The following CACNA2D1 variants were observed in gnomAD, a reference collection of about 807,000 sequenced individuals.
The protein encoded by CACNA2D1 is voltage-dependent calcium channel subunit alpha-2/delta-1.
A neutral mutation model predicts 171.5 loss-of-function variants in CACNA2D1; 53 were observed. The ratio of observed to expected loss-of-function variants is 0.31; its 90% confidence interval spans 0.25 to 0.39. The LOEUF is 0.39. Among genes scored for constraint, CACNA2D1 ranks in the 10% least tolerant of loss-of-function variants. The pLI is 1.00. For synonymous variants in CACNA2D1, 442 were observed against 443.1 expected, an observed-to-expected ratio of 1.00 and a Z score of 0.03; for missense variants, 903 against 1,299.8, an observed-to-expected ratio of 0.69 and a Z score of 4.69.
At chr7:82,334,706 C>T (rs2129444270) in intron 3 of CACNA2D1, among the ~76,000 whole-genome samples, 1 of 152,138 alleles carries the variant, frequency 6.6e-6, no homozygotes, top group African/African-American at 2.4e-5. Flanking sequence ...ACTTGAATAT[C>T]TAGCATTTTG....
At chr7:82,413,987 T>C (rs1827932853) in intron 1 of CACNA2D1, among the ~76,000 whole-genome samples, 1 of 152,284 alleles carries the variant, frequency 6.6e-6, no homozygotes, top group Non-Finnish European at 1.5e-5. Context: ...ACAGTCAAAA[T>C]TTTATTTAGT....
chr7:82,197,545 T>G (rs1052559348), intron 3 of CACNA2D1, among the ~76,000 whole-genome samples: 3 of 152,072 alleles, frequency 2.0e-5, no homozygotes, highest in Non-Finnish European at 2.9e-5. Flanking sequence ...GTCTTTTTGT[T>G]GTATGGTAGA....
chr7:82,257,707 A>G (rs565004309), intron 3 of CACNA2D1, among the ~76,000 whole-genome samples: 1 of 152,368 alleles, frequency 6.6e-6, no homozygotes, highest in African/African-American at 2.4e-5. Flanking sequence ...TTGGTGAGAT[A>G]TAACAATTGT....
chr7:81,979,780 T>C (rs1036457276), intron 24 of CACNA2D1, among the ~76,000 whole-genome samples: 7 of 152,248 alleles, frequency 4.6e-5, no homozygotes, highest in South Asian at 4.1e-4. Context: ...CAAAAACTAC[T>C]AATAAGATTG....
chr7:82,261,878 C>T (rs962307465), intron 3 of CACNA2D1, among the ~76,000 whole-genome samples: 3 of 152,156 alleles, frequency 2.0e-5, no homozygotes, highest in Non-Finnish European at 4.4e-5. Context: ...CAAGCCTGTC[C>T]TTTCTCCTGA....
intron 3 of CACNA2D1, among the ~76,000 whole-genome samples, chr7:82,255,588 C>A: frequency 6.6e-6 from 1 of 152,140 alleles, no homozygotes; most frequent in East Asian, 1.9e-4. Context: ...GGCAGAACTT[C>A]TTTAAAAGCC....
intron 2 of CACNA2D1, among the ~76,000 whole-genome samples, chr7:82,344,739 A>C (rs1018076770): frequency 6.6e-6 from 1 of 152,212 alleles, no homozygotes; most frequent in African/African-American, 2.4e-5. Flanking sequence ...CAAATCCAGG[A>C]GTATAAGATA....
rs771243374 is a variant in CACNA2D1, at chr7:82,443,415, T to C, written c.45A>G (p.Gln15=). Residue 15 remains glutamine (Q), a synonymous_variant, in exon 1 of 39, where the codon CAA becomes CAG. Transcript: ENST00000356860. Reference sequence around the variant, plus strand: ...CCGACGAGGGGCCGATGAGCAAAGATTGGAAAAGTGTCAGAGTCAAGGCCA... The same window carrying C: ...CCGACGAGGGGCCGATGAGCAAAGACTGGAAAAGTGTCAGAGTCAAGGCCA... ...CLLALTLTLF[Q]SLLIGPSSEE... is the part of the protein sequence containing the mutation. 26 of 1,606,710 alleles carry C rather than the reference T, an allele frequency of 1.6e-5. No individual in the cohort carries two copies. The highest frequency in any genetic ancestry group is 1.7e-4 in the Middle Eastern group (1 of 6,050).
chr7:82,155,442 A>T (rs897151748), intron 4 of CACNA2D1, among the ~76,000 whole-genome samples: 1 of 152,192 alleles, frequency 6.6e-6, no homozygotes, highest in African/African-American at 2.4e-5. Flanking sequence ...TGCTCAAGTT[A>T]CTTCCTCTAG....
chr7:82,218,663 T>C (rs62463010), intron 3 of CACNA2D1, among the ~76,000 whole-genome samples: 8,839 of 152,212 alleles, frequency 0.058, 272 homozygotes, highest in East Asian at 0.08. Context: ...AAAAATTTCT[T>C]TTCTCTGTAG....
chr7:82,117,131 G>T lies in CACNA2D1; in HGVS notation c.439C>A (p.Pro147Thr). ...DSEPGSQRIK[P>T]VFIEDANFGR... The stretch of plus-strand genomic sequence containing the variant: ...AAATTAGCATCTTCAATGAAAACAG[G>T]TTTTATCCTCTGGCTGCCTGGCTCA... Residue 147 changes from proline to threonine, a missense_variant, in exon 6 of 39, where the codon CCT becomes ACT. Transcript: ENST00000356860. 2 of 1,613,732 alleles carry T rather than the reference G, an allele frequency of 1.2e-6. No homozygotes were observed. The highest frequency in any genetic ancestry group is 1.7e-6 in the Non-Finnish European group (2 of 1,179,846).
At chr7:82,194,858 T>G (rs572980154) in intron 3 of CACNA2D1, among the ~76,000 whole-genome samples, 1 of 151,770 alleles carries the variant, frequency 6.6e-6, no homozygotes, top group Non-Finnish European at 1.5e-5. Context: ...TAATGAAAGG[T>G]AAGCAGTATT....
chr7:82,190,687 C>A (rs986748001), intron 3 of CACNA2D1, among the ~76,000 whole-genome samples: 1 of 151,412 alleles, frequency 6.6e-6, no homozygotes. Context: ...ATAATGAAAT[C>A]CTCCCAATAT....
At chr7:82,067,963 C>G (rs1807859987) in intron 7 of CACNA2D1, among the ~76,000 whole-genome samples, 1 of 152,056 alleles carries the variant, frequency 6.6e-6, no homozygotes, top group African/African-American at 2.4e-5. Context: ...GGATCTGGGC[C>G]CTTTCAATAC....
intron 3 of CACNA2D1, among the ~76,000 whole-genome samples, chr7:82,174,897 C>T (rs1199726673): frequency 6.6e-6 from 1 of 151,938 alleles, no homozygotes; most frequent in Non-Finnish European, 1.5e-5. Context: ...AGATCAGCTC[C>T]CTTGAAAGTC....
chr7:82,408,009 C>T lies in CACNA2D1; in HGVS notation c.95+35356G>A, dbSNP rs147791276. Among the ~76,000 whole-genome samples the T allele has an allele frequency of 9.5e-3, 1,439 of 151,336 alleles. 23 individuals carry two copies. Among genetic ancestry groups the T allele is most frequent in the African/African-American group, 0.032 (1,343 of 41,328 alleles). ...TTTGCATTAAAAGGACTACACAACC[C>T]GGCTTGTACTTTCTTTTTTTTTTTT... On this transcript the variant is annotated intron_variant, in intron 1 of 38. Coordinates refer to ENST00000356860, the MANE Select transcript of CACNA2D1 (RefSeq NM_000722.4).
At chr7:82,037,021 C>G (rs1019961757) in intron 11 of CACNA2D1, among the ~76,000 whole-genome samples, 1 of 152,088 alleles carries the variant, frequency 6.6e-6, no homozygotes, top group African/African-American at 2.4e-5. Flanking sequence ...CTAATGCATA[C>G]AAGTGGAAAC....
intron 3 of CACNA2D1, among the ~76,000 whole-genome samples, chr7:82,267,152 T>G (rs1807971776): frequency 6.6e-6 from 1 of 152,118 alleles, no homozygotes; most frequent in Non-Finnish European, 1.5e-5. Context: ...AATATCACAA[T>G]CCTAAAATGA....
chr7:82,145,709 AT>A (rs560545544), intron 4 of CACNA2D1, among the ~76,000 whole-genome samples: 296 of 148,918 alleles, frequency 2.0e-3, no homozygotes, highest in Non-Finnish European at 4.0e-3. Context: ...ATTATACACA[AT>A]TTTATATATA....
Sources: allele counts gnomAD v4.1 joint callset (sites outside exome capture counted in the v4.1 genomes callset), GRCh38; gene constraint gnomAD v4.1.1; transcripts MANE v1.5; gene names NCBI Gene and HGNC (gene_info 2026-07-23, HGNC 2026-07-21).